INPP5F: variants seen among roughly 807,000 people sequenced by gnomAD.
INPP5F encodes the protein phosphatidylinositide 4-phosphatase SAC2.
A neutral mutation model predicts 137.2 loss-of-function variants in INPP5F; 97 were observed. The observed-to-expected ratio is 0.71, with a 90% confidence interval of 0.60 to 0.84. The LOEUF is 0.84. Ranked by LOEUF, INPP5F falls within the 40% of genes least tolerant of loss-of-function variation. INPP5F has a pLI of 0.00. For missense variants in INPP5F, 1,271 were observed against 1,371.9 expected, an observed-to-expected ratio of 0.93 and a Z score of 1.16; for synonymous variants, 504 against 476.9, an observed-to-expected ratio of 1.06 and a Z score of -0.74.
chr10:119,821,227 C>A (rs1434614967), intron 16 of INPP5F, among the ~76,000 whole-genome samples: 1 of 152,104 alleles, frequency 6.6e-6, no homozygotes. Flanking sequence ...TCACTAATGA[C>A]CACGTATCAT....
intron 1 of INPP5F, among the ~76,000 whole-genome samples, chr10:119,728,887 T>C (rs907344267): frequency 6.6e-6 from 1 of 152,204 alleles, no homozygotes. Context: ...CTAACCCTTA[T>C]GCATCATCAT....
chr10:119,756,352 C>T (rs1281907362), intron 2 of INPP5F, among the ~76,000 whole-genome samples: 4 of 151,830 alleles, frequency 2.6e-5, no homozygotes, highest in Non-Finnish European at 5.9e-5. Flanking sequence ...GAACAAGTCA[C>T]AGGCCCGACA....
intron 3 of INPP5F, among the ~76,000 whole-genome samples, chr10:119,790,866 G>A (rs369445338): frequency 2.0e-5 from 3 of 152,162 alleles, no homozygotes; most frequent in South Asian, 4.1e-4. Context: ...TAACATAGCC[G>A]TATTCACGCT....
chr10:119,735,619 C>A (rs1848195191), intron 1 of INPP5F, among the ~76,000 whole-genome samples: 1 of 152,106 alleles, frequency 6.6e-6, no homozygotes, highest in East Asian at 1.9e-4. Context: ...TAAAGAATGT[C>A]CCTTCCCCCA....
intron 1 of INPP5F, among the ~76,000 whole-genome samples, chr10:119,740,823 G>A (rs968542739): frequency 7.2e-5 from 11 of 152,166 alleles, no homozygotes; most frequent in South Asian, 2.1e-4. Flanking sequence ...TTACAGGCGC[G>A]AGCCACTGTG....
At chr10:119,795,659 C>T (rs1157061997) in intron 6 of INPP5F, among the ~76,000 whole-genome samples, 2 of 152,136 alleles carry the variant, frequency 1.3e-5, no homozygotes, top group South Asian at 4.1e-4. Context: ...AGACGCTCCT[C>T]ACTTCCCAGA....
chr10:119,748,104 G>T lies in INPP5F; in HGVS notation c.98-2972G>T, dbSNP rs1043721537. Among the ~76,000 whole-genome samples, 15 of 152,238 alleles carry T rather than the reference G, an allele frequency of 9.9e-5. No homozygotes were observed. Among genetic ancestry groups the T allele is most frequent in the African/African-American group, 3.4e-4 (14 of 41,452 alleles). On this transcript the variant is annotated intron_variant, in intron 1 of 19. Coordinates refer to ENST00000650623, the MANE Select transcript of INPP5F (RefSeq NM_014937.4). This position sits in a 1 kb window ranked among gnomAD's most constrained non-coding sequence, Gnocchi z 4.7. The stretch of plus-strand genomic sequence containing the variant: ...CTGCCAATGGCAAGCCAGGTGCGGA[G>T]TGGCGAGTGGTGTATGAGCGAGCGT...
At chr10:119,819,751 G>T (rs1165281529) in intron 15 of INPP5F, 1 of 386,542 alleles carries the variant, frequency 2.6e-6, no homozygotes. Context: ...AAATTGAGGT[G>T]AATTTGTTGT....
At chr10:119,780,926 C>CG (rs556542158) in intron 2 of INPP5F, among the ~76,000 whole-genome samples, 101 of 152,280 alleles carry the variant, frequency 6.6e-4, no homozygotes, top group African/African-American at 2.3e-3. Flanking sequence ...TTGGTATCCA[C>CG]GGGGGGTCCT....
chr10:119,807,784 C>T (rs1850852335), intron 12 of INPP5F, 148 bp from the exon 13 acceptor site: 1 of 644,688 alleles, frequency 1.6e-6, no homozygotes, highest in Non-Finnish European at 2.5e-6. Flanking sequence ...TCAAGCACTA[C>T]TTTATTAAAA....
intron 1 of INPP5F, among the ~76,000 whole-genome samples, chr10:119,726,659 C>T (rs1363976473): frequency 6.6e-6 from 1 of 152,242 alleles, no homozygotes; most frequent in Non-Finnish European, 1.5e-5. Context: ...GAGGGGGTCC[C>T]CTCCGGCAGA....
At chr10:119,824,042 G>A (rs1851668907) in intron 19 of INPP5F, 140 bp downstream of exon 19, 1 of 599,944 alleles carries the variant, frequency 1.7e-6, no homozygotes, top group Non-Finnish European at 2.9e-6. Context: ...TCAAATTTCT[G>A]CAGATCAAAA....
intron 2 of INPP5F, among the ~76,000 whole-genome samples, chr10:119,757,066 A>C (rs1848869861): frequency 1.8e-5 from 2 of 113,410 alleles, no homozygotes; most frequent in Admixed American, 1.7e-4. Flanking sequence ...AGATTTCTTT[A>C]CTTTATTTAT....
At chr10:119,746,061 T>G (rs1848523156) in intron 1 of INPP5F, among the ~76,000 whole-genome samples, 1 of 152,156 alleles carries the variant, frequency 6.6e-6, no homozygotes, top group South Asian at 2.1e-4. Context: ...TTTTCTAGCA[T>G]TATCAATTCA....
intron 15 of INPP5F, among the ~76,000 whole-genome samples, chr10:119,814,900 C>T (rs1851201534): frequency 6.6e-6 from 1 of 152,042 alleles, no homozygotes; most frequent in Non-Finnish European, 1.5e-5. Flanking sequence ...GCGTCTCGCT[C>T]TGTCGCCCAG....
intron 3 of INPP5F, among the ~76,000 whole-genome samples, chr10:119,785,034 A>G (rs1225273803): frequency 6.6e-6 from 1 of 152,140 alleles, no homozygotes; most frequent in Non-Finnish European, 1.5e-5. Context: ...AGTGTGTAGC[A>G]GTACTTTATT....
intron 2 of INPP5F, among the ~76,000 whole-genome samples, chr10:119,753,126 A>T (rs1848735825): frequency 6.6e-6 from 1 of 152,318 alleles, no homozygotes; most frequent in Admixed American, 6.5e-5. Flanking sequence ...TTACCTACAT[A>T]TATTTTTAAT....
chr10:119,797,739 A>G, intron 8 of INPP5F, 99 bp downstream of exon 8: 1 of 830,942 alleles, frequency 1.2e-6, no homozygotes. Flanking sequence ...TTTGCCAGAT[A>G]CTTCTTTCAA....
chr10:119,788,254 G>C (rs1403948184), intron 3 of INPP5F, among the ~76,000 whole-genome samples: 1 of 152,212 alleles, frequency 6.6e-6, no homozygotes, highest in Non-Finnish European at 1.5e-5. Context: ...GACGTCACAT[G>C]CATCAGTCTT....
Sources: allele counts gnomAD v4.1 joint callset (sites outside exome capture counted in the v4.1 genomes callset), GRCh38; gene constraint gnomAD v4.1.1; non-coding constraint Gnocchi (gnomAD v3.1); transcripts MANE v1.5; gene names NCBI Gene and HGNC (gene_info 2026-07-23, HGNC 2026-07-21).